Variants in RBFOX1 observed in about 807,000 individuals in gnomAD.
The protein encoded by RBFOX1 is RNA binding protein fox-1 homolog 1.
A neutral mutation model predicts 57.7 loss-of-function variants in RBFOX1; 8 were observed. The ratio of observed to expected loss-of-function variants is 0.14; its 90% CI spans 0.08 to 0.25. The LOEUF is 0.25. Among genes scored for constraint, RBFOX1 ranks in the 10% least tolerant of loss-of-function variants. RBFOX1 has a pLI of 1.00. For missense variants in RBFOX1, 611 were observed against 548.5 expected, an observed-to-expected ratio of 1.11 and a Z score of -1.14; for synonymous variants, 326 against 222.4, an observed-to-expected ratio of 1.47 and a Z score of -4.15.
chr16:7,541,533 A>G (rs1275408412), intron 5 of RBFOX1, among the ~76,000 whole-genome samples: 6 of 152,176 alleles, frequency 3.9e-5, no homozygotes, highest in Non-Finnish European at 5.9e-5. Context: ...AGGATAGGAA[A>G]TATATGTCCG....
intron 1 of RBFOX1, among the ~76,000 whole-genome samples, chr16:6,099,945 C>G (rs1431097642): frequency 6.6e-6 from 1 of 152,096 alleles, no homozygotes; most frequent in Non-Finnish European, 1.5e-5. Flanking sequence ...ATCATCTTTA[C>G]AAGAAGGTGG....
intron 4 of RBFOX1, among the ~76,000 whole-genome samples, chr16:5,908,130 A>G (rs2058512038): frequency 7.5e-6 from 1 of 133,598 alleles, no homozygotes; most frequent in African/African-American, 3.6e-5. Flanking sequence ...ACACATATAT[A>G]TATACACATA....
chr16:5,311,663 T>C (rs1417595226), intron 1 of RBFOX1, among the ~76,000 whole-genome samples: 1 of 152,236 alleles, frequency 6.6e-6, no homozygotes, highest in Non-Finnish European at 1.5e-5. Flanking sequence ...GTTGAGAATT[T>C]TTTCCTATGT....
intron 3 of RBFOX1, among the ~76,000 whole-genome samples, chr16:6,848,086 C>T (rs1363819656): frequency 1.3e-5 from 2 of 152,072 alleles, no homozygotes; most frequent in African/African-American, 4.8e-5. Flanking sequence ...CCCACCTTGG[C>T]CTCACAAAGT....
At chr16:6,540,839 G>A (rs1567612233) in intron 2 of RBFOX1, among the ~76,000 whole-genome samples, 3 of 151,964 alleles carry the variant, frequency 2.0e-5, no homozygotes, top group Non-Finnish European at 4.4e-5. Context: ...AACTACCAGT[G>A]GATTACTTTA....
chr16:7,368,278 AAGAG>A (rs1050945076), intron 4 of RBFOX1, among the ~76,000 whole-genome samples: 78 of 151,788 alleles, frequency 5.1e-4, no homozygotes, highest in Admixed American at 5.9e-4. Context: ...AAAAAAAAAA[AAGAG>A]AGAGAAGAAA....
chr16:6,648,933 A>T (rs546567738), intron 2 of RBFOX1, among the ~76,000 whole-genome samples: 1 of 152,334 alleles, frequency 6.6e-6, no homozygotes, highest in South Asian at 2.1e-4. Flanking sequence ...TATCATATAC[A>T]TTACCTCACA....
At chr16:5,693,868 G>C (rs993361248) in intron 3 of RBFOX1, among the ~76,000 whole-genome samples, 3 of 152,126 alleles carry the variant, frequency 2.0e-5, no homozygotes, top group African/African-American at 7.2e-5. Context: ...ATCTAGAGAA[G>C]GTTGGGGTTC....
intron 2 of RBFOX1, among the ~76,000 whole-genome samples, chr16:6,648,776 A>T (rs907383521): frequency 6.6e-6 from 1 of 152,132 alleles, no homozygotes; most frequent in African/African-American, 2.4e-5. Flanking sequence ...TCATTTCTCA[A>T]TGGCATTTTC....
intron 2 of RBFOX1, among the ~76,000 whole-genome samples, chr16:5,467,934 C>G (rs2069003842): frequency 6.6e-6 from 1 of 152,042 alleles, no homozygotes; most frequent in South Asian, 2.1e-4. Flanking sequence ...TGTAAATTTC[C>G]TGTGTAATAG....
chr16:6,744,048 A>G (rs2072983922), intron 3 of RBFOX1, among the ~76,000 whole-genome samples: 1 of 152,086 alleles, frequency 6.6e-6, no homozygotes, highest in African/African-American at 2.4e-5. Flanking sequence ...AGTAATAAAG[A>G]TACAGAATGT....
At chr16:6,318,792 A>C (rs1055198181) in intron 2 of RBFOX1, among the ~76,000 whole-genome samples, 1 of 152,078 alleles carries the variant, frequency 6.6e-6, no homozygotes, top group Non-Finnish European at 1.5e-5. Flanking sequence ...GCTCTAAACC[A>C]GTGAGCAGAT....
intron 10 of RBFOX1, among the ~76,000 whole-genome samples, chr16:7,627,758 C>G (rs933919396): frequency 1.3e-5 from 2 of 152,124 alleles, no homozygotes; most frequent in African/African-American, 4.8e-5. Context: ...TTGTCGAATT[C>G]AAAGCGTCCT....
chr16:7,333,018 G>C (rs200160011), intron 4 of RBFOX1: 52 of 1,613,730 alleles, frequency 3.2e-5, no homozygotes, highest in Non-Finnish European at 4.2e-5. Flanking sequence ...GCGTCTCAAG[G>C]AGTTCTCCTG....
intron 4 of RBFOX1, among the ~76,000 whole-genome samples, chr16:5,898,897 T>TAAAAAA (rs80013964): frequency 2.9e-5 from 4 of 138,482 alleles, no homozygotes; most frequent in African/African-American, 1.1e-4. Context: ...CCATCTCTAT[T>TAAAAAA]AAAAAAAAAA....
intron 1 of RBFOX1, among the ~76,000 whole-genome samples, chr16:6,181,119 T>A (rs1033606613): frequency 6.6e-6 from 1 of 152,186 alleles, no homozygotes; most frequent in Non-Finnish European, 1.5e-5. Flanking sequence ...AGGATTAATC[T>A]GAAATGTATG....
intron 4 of RBFOX1, among the ~76,000 whole-genome samples, chr16:7,479,107 C>G (rs2063341849): frequency 9.2e-6 from 1 of 108,404 alleles, no homozygotes; most frequent in Non-Finnish European, 1.9e-5. Flanking sequence ...GGATCAAAAC[C>G]CAGTTTTGTT....
intron 3 of RBFOX1, among the ~76,000 whole-genome samples, chr16:6,665,748 C>G (rs6500807): frequency 0.64 from 96,577 of 151,926 alleles, 31,414 homozygotes; most frequent in African/African-American, 0.77. Context: ...GGATTTACTA[C>G]ATGCCATAGA....
chr16:7,397,831 C>T, intron 4 of RBFOX1, among the ~76,000 whole-genome samples: 1 of 152,162 alleles, frequency 6.6e-6, no homozygotes, highest in East Asian at 1.9e-4. Flanking sequence ...ACGTCCCAAG[C>T]TGTGGAACTC....
Sources: allele counts gnomAD v4.1 joint callset (sites outside exome capture counted in the v4.1 genomes callset), GRCh38; gene constraint gnomAD v4.1.1; transcripts MANE v1.5; gene names NCBI Gene and HGNC (gene_info 2026-07-23, HGNC 2026-07-21).